ADAMTSL1: variants seen among roughly 807,000 people sequenced by gnomAD.
ADAMTSL1 encodes the protein ADAMTS-like protein 1.
ADAMTSL1 carries 126 observed loss-of-function variants against 201.8 expected under a neutral mutation model. The ratio of observed to expected loss-of-function variants is 0.62; its 90% CI spans 0.54 to 0.72. The LOEUF is 0.72. Among genes scored for constraint, ADAMTSL1 ranks in the 30% least tolerant of loss-of-function variants. ADAMTSL1 has a pLI of 0.00. For synonymous variants in ADAMTSL1, 1,121 were observed against 903.4 expected, an observed-to-expected ratio of 1.24 and a Z score of -4.32; for missense variants, 2,679 against 2,277.8, an observed-to-expected ratio of 1.18 and a Z score of -3.59.
intron 2 of ADAMTSL1, among the ~76,000 whole-genome samples, chr9:18,316,195 AG>A (rs1162495745): frequency 7.9e-5 from 12 of 152,318 alleles, no homozygotes; most frequent in African/African-American, 2.9e-4. Context: ...AAGTGGAGGC[AG>A]GGCAAGATCA....
At chr9:18,081,001 A>G (rs1823477466) in intron 1 of ADAMTSL1, among the ~76,000 whole-genome samples, 2 of 152,344 alleles carry the variant, frequency 1.3e-5, no homozygotes, top group East Asian at 1.9e-4. Flanking sequence ...TGGTGATACA[A>G]TGCCAACATT....
At chr9:18,723,075 G>A (rs773511172) in intron 15 of ADAMTSL1, 4 of 778,738 alleles carry the variant, frequency 5.1e-6, no homozygotes, top group Non-Finnish European at 9.6e-6. Context: ...CAACCAAGAG[G>A]CCTGGCTTCT....
chr9:18,163,387 T>C (rs140286333), intron 1 of ADAMTSL1, among the ~76,000 whole-genome samples: 6 of 152,022 alleles, frequency 3.9e-5, no homozygotes, highest in Non-Finnish European at 7.4e-5. Flanking sequence ...TCTAAAGCAC[T>C]TGAATAGCCC....
At chr9:18,150,136 A>G (rs953699256) in intron 1 of ADAMTSL1, among the ~76,000 whole-genome samples, 1 of 152,092 alleles carries the variant, frequency 6.6e-6, no homozygotes, top group Non-Finnish European at 1.5e-5. Flanking sequence ...AGGTACATAT[A>G]TTTGAAAGTT....
chr9:18,715,464 C>T (rs575719128), intron 14 of ADAMTSL1, among the ~76,000 whole-genome samples: 1 of 152,242 alleles, frequency 6.6e-6, no homozygotes, highest in Admixed American at 6.5e-5. Context: ...AGAGCCAAAT[C>T]ATGCGTGAAC....
chr9:18,242,344 T>A (rs945956177), intron 2 of ADAMTSL1, among the ~76,000 whole-genome samples: 2 of 152,110 alleles, frequency 1.3e-5, no homozygotes, highest in Admixed American at 6.5e-5. Context: ...ACATTTTAGG[T>A]AAATACGGAA....
intron 2 of ADAMTSL1, among the ~76,000 whole-genome samples, chr9:18,445,505 G>A (rs1449300716): frequency 6.6e-6 from 1 of 152,072 alleles, no homozygotes; most frequent in Non-Finnish European, 1.5e-5. Flanking sequence ...GTAGTTAATA[G>A]TAATATTTGG....
intron 1 of ADAMTSL1, among the ~76,000 whole-genome samples, chr9:17,934,287 T>G (rs1252527279): frequency 1.3e-5 from 2 of 152,172 alleles, no homozygotes; most frequent in African/African-American, 4.8e-5. Flanking sequence ...ATTCCTGTCT[T>G]TAAATTCACT....
At chr9:18,670,321 T>G (rs1032103631) in intron 9 of ADAMTSL1, among the ~76,000 whole-genome samples, 8 of 152,116 alleles carry the variant, frequency 5.3e-5, no homozygotes, top group African/African-American at 1.9e-4. Context: ...GAAGAGAAGA[T>G]CTTGTTAAAA....
intron 2 of ADAMTSL1, among the ~76,000 whole-genome samples, chr9:18,432,350 T>C (rs1054616161): frequency 1.1e-4 from 16 of 152,230 alleles, no homozygotes; most frequent in Admixed American, 9.8e-4. Flanking sequence ...TTGAGTTAAA[T>C]GTATAGGTTT....
intron 2 of ADAMTSL1, among the ~76,000 whole-genome samples, chr9:18,297,432 G>C (rs757977188): frequency 4.0e-5 from 6 of 151,290 alleles, no homozygotes; most frequent in Non-Finnish European, 8.8e-5. Flanking sequence ...CCTGGAGAAA[G>C]TTCTTCAGTA....
intron 9 of ADAMTSL1, among the ~76,000 whole-genome samples, chr9:18,664,450 C>A (rs1343245615): frequency 6.6e-6 from 1 of 152,076 alleles, no homozygotes; most frequent in African/African-American, 2.4e-5. Context: ...TCAACCAACA[C>A]TTTTGTGTCC....
At chr9:18,058,519 TGTG>T (rs1291530351) in intron 1 of ADAMTSL1, among the ~76,000 whole-genome samples, 1 of 152,200 alleles carries the variant, frequency 6.6e-6, no homozygotes, top group African/African-American at 2.4e-5. Context: ...TCATAAATAT[TGTG>T]AGCATATTTT....
At chr9:18,145,287 A>T (rs1826589945) in intron 1 of ADAMTSL1, among the ~76,000 whole-genome samples, 1 of 152,150 alleles carries the variant, frequency 6.6e-6, no homozygotes, top group South Asian at 2.1e-4. Context: ...AATTGCTGTG[A>T]CCATTTGTTT....
chr9:18,891,301 T>A (rs1436390997), intron 25 of ADAMTSL1, among the ~76,000 whole-genome samples: 1 of 152,248 alleles, frequency 6.6e-6, no homozygotes, highest in Non-Finnish European at 1.5e-5. Flanking sequence ...TACAACTGGG[T>A]AACCCCGCTG....
At chr9:18,027,574 G>T (rs1172198580) in intron 1 of ADAMTSL1, among the ~76,000 whole-genome samples, 1 of 151,942 alleles carries the variant, frequency 6.6e-6, no homozygotes, top group Non-Finnish European at 1.5e-5. Flanking sequence ...TGTGGTCTGA[G>T]AGTATGCTTG....
chr9:18,068,114 G>T (rs1171588541), intron 1 of ADAMTSL1, among the ~76,000 whole-genome samples: 1 of 152,204 alleles, frequency 6.6e-6, no homozygotes, highest in East Asian at 1.9e-4. Context: ...GGGTGTATTG[G>T]CCAAAAACGT....
chr9:18,403,093 A>G (rs940700092), intron 2 of ADAMTSL1, among the ~76,000 whole-genome samples: 1 of 152,106 alleles, frequency 6.6e-6, no homozygotes, highest in South Asian at 2.1e-4. Context: ...GATTGCAATG[A>G]TAATTATGTT....
At chr9:18,116,458 G>C (rs1044771671) in intron 1 of ADAMTSL1, among the ~76,000 whole-genome samples, 1 of 152,106 alleles carries the variant, frequency 6.6e-6, no homozygotes, top group African/African-American at 2.4e-5. Context: ...AAGGGCTCTT[G>C]GTTGCTGGGT....
Sources: allele counts gnomAD v4.1 joint callset (sites outside exome capture counted in the v4.1 genomes callset), GRCh38; gene constraint gnomAD v4.1.1; transcripts MANE v1.5; gene names NCBI Gene and HGNC (gene_info 2026-07-23, HGNC 2026-07-21).